Variants in CFAP299 observed in about 807,000 individuals in gnomAD.
The protein encoded by CFAP299 is cilia and flagella associated protein 299, also known as cilia- and flagella-associated protein 299.
A neutral mutation model predicts 27.0 loss-of-function variants in CFAP299; 21 were observed. The ratio of observed to expected loss-of-function variants is 0.78; its 90% CI spans 0.55 to 1.12. The LOEUF (loss-of-function observed/expected upper bound fraction) is 1.12, where lower values mean the gene tolerates loss of function less well. Among genes scored for constraint, CFAP299 ranks in the 50% most tolerant of loss-of-function variants. CFAP299 has a pLI of 0.00. For missense variants in CFAP299, 310 were observed against 276.6 expected (o/e 1.12, Z -0.86); for synonymous variants, 104 against 98.1 (o/e 1.06, Z -0.36).
At chr4:80,932,732 T>C (rs1736682601) in intron 4 of CFAP299, among the ~76,000 whole-genome samples, 1 of 152,196 alleles carries the variant, frequency 6.6e-6, no homozygotes, top group African/African-American at 2.4e-5. Context: ...AAACATTGAA[T>C]ATATCAACGC....
intron 4 of CFAP299, among the ~76,000 whole-genome samples, chr4:80,943,530 G>A (rs1045629750): frequency 6.6e-6 from 1 of 151,954 alleles, no homozygotes; most frequent in African/African-American, 2.4e-5. Flanking sequence ...ACATTTGAGA[G>A]GCACCCTGGT....
intron 2 of CFAP299, chr4:80,420,076 A>G (rs1261663476): frequency 5.1e-6 from 2 of 392,634 alleles, no homozygotes; most frequent in Non-Finnish European, 1.0e-5. Flanking sequence ...CAAGCAGGTT[A>G]TGGTGGCAGA....
intron 3 of CFAP299, among the ~76,000 whole-genome samples, chr4:80,759,429 A>G (rs1053444016): frequency 1.3e-5 from 2 of 152,096 alleles, no homozygotes; most frequent in Admixed American, 1.3e-4. Context: ...TTTATTCTCT[A>G]CTCATTACAG....
intron 3 of CFAP299, among the ~76,000 whole-genome samples, chr4:80,664,710 G>A (rs950322885): frequency 5.3e-5 from 8 of 152,050 alleles, no homozygotes; most frequent in Non-Finnish European, 1.5e-5. Context: ...TGGTTACCTG[G>A]TTCAGCCCCC....
intron 3 of CFAP299, among the ~76,000 whole-genome samples, chr4:80,694,960 T>C (rs1008283469): frequency 6.6e-6 from 1 of 152,150 alleles, no homozygotes; most frequent in Non-Finnish European, 1.5e-5. Context: ...AGGAGCCAGA[T>C]TTTTGGGGAT....
At chr4:80,333,011 T>C (rs1272798873), upstream of CFAP299, among the ~76,000 whole-genome samples, 1 of 152,144 alleles carries the variant, frequency 6.6e-6, no homozygotes, top group Non-Finnish European at 1.5e-5. Flanking sequence ...CAGTAGTAGT[T>C]TTCAATCTTT....
intron 4 of CFAP299, among the ~76,000 whole-genome samples, chr4:80,923,381 T>C (rs1429256787): frequency 6.6e-6 from 1 of 152,070 alleles, no homozygotes; most frequent in Non-Finnish European, 1.5e-5. Flanking sequence ...TTAGTGTATA[T>C]ATAAAAAGGC....
At chr4:80,464,805 A>T (rs557840811) in intron 2 of CFAP299, among the ~76,000 whole-genome samples, 15 of 152,250 alleles carry the variant, frequency 9.9e-5, no homozygotes, top group African/African-American at 3.6e-4. Context: ...ATATTAAAAA[A>T]GTATCTGGAA....
intron 4 of CFAP299, among the ~76,000 whole-genome samples, chr4:80,882,238 C>G (rs1733740010): frequency 6.6e-6 from 1 of 151,996 alleles, no homozygotes. Flanking sequence ...AAATGGAAAG[C>G]TAGATTCATG....
At chr4:80,528,127 G>A (rs1267008187) in intron 2 of CFAP299, among the ~76,000 whole-genome samples, 1 of 152,010 alleles carries the variant, frequency 6.6e-6, no homozygotes, top group Non-Finnish European at 1.5e-5. Context: ...TTGTATCAGT[G>A]TAGATCAGAA....
chr4:80,491,765 C>G (rs144650092), intron 2 of CFAP299, among the ~76,000 whole-genome samples: 2 of 151,940 alleles, frequency 1.3e-5, no homozygotes, highest in African/African-American at 4.8e-5. Flanking sequence ...CATTATGAGA[C>G]AAAAAGGAAA....
intron 3 of CFAP299, among the ~76,000 whole-genome samples, chr4:80,597,733 G>A (rs186860114): frequency 6.5e-4 from 99 of 152,020 alleles, no homozygotes; most frequent in Non-Finnish European, 1.2e-3. Context: ...TGTCACCCAG[G>A]CTGGAGTGCA....
intron 3 of CFAP299, among the ~76,000 whole-genome samples, chr4:80,701,562 G>A (rs1318193143): frequency 6.6e-6 from 1 of 151,788 alleles, no homozygotes; most frequent in African/African-American, 2.4e-5. Context: ...TATCTACACT[G>A]GTTTTAGGCA....
At chr4:80,791,898 T>C (rs962504943) in intron 3 of CFAP299, among the ~76,000 whole-genome samples, 3 of 151,848 alleles carry the variant, frequency 2.0e-5, no homozygotes, top group Admixed American at 6.6e-5. Context: ...ATCTTAGCTA[T>C]TCACATGTGT....
intron 2 of CFAP299, among the ~76,000 whole-genome samples, chr4:80,552,974 C>G (rs943310392): frequency 1.3e-5 from 2 of 151,502 alleles, no homozygotes; most frequent in Non-Finnish European, 2.9e-5. Flanking sequence ...AGACATTGGC[C>G]ACTGCACATA....
intron 2 of CFAP299, among the ~76,000 whole-genome samples, chr4:80,501,388 T>C (rs1358866261): frequency 6.7e-6 from 1 of 148,748 alleles, no homozygotes; most frequent in Non-Finnish European, 1.5e-5. Context: ...TGTAATTCTA[T>C]ATAAACATAT....
At chr4:80,343,946 A>G (rs1722600867) in intron 1 of CFAP299, among the ~76,000 whole-genome samples, 1 of 152,184 alleles carries the variant, frequency 6.6e-6, no homozygotes, top group African/African-American at 2.4e-5. Context: ...ATTTGTAACT[A>G]ATGAGAACAA....
chr4:80,517,786 G>A (rs1465969295), intron 2 of CFAP299, among the ~76,000 whole-genome samples: 1 of 152,166 alleles, frequency 6.6e-6, no homozygotes, highest in Non-Finnish European at 1.5e-5. Context: ...CAAGCATTCA[G>A]TTTAAATCAG....
chr4:80,663,996 A>T (rs1741008345), intron 3 of CFAP299, among the ~76,000 whole-genome samples: 1 of 151,984 alleles, frequency 6.6e-6, no homozygotes, highest in African/African-American at 2.4e-5. Context: ...TTTTGTTCTC[A>T]TAAATTTGTT....
Sources: gnomAD v4.1 joint callset for allele counts (sites outside exome capture counted in the v4.1 genomes callset) on GRCh38, gnomAD v4.1.1 for gene constraint, MANE v1.5 for transcripts, NCBI Gene and HGNC (gene_info 2026-07-23, HGNC 2026-07-21) for gene names.